ZFR: variants seen among roughly 807,000 people sequenced by gnomAD.
The protein encoded by ZFR is zinc finger RNA-binding protein.
Under a neutral mutation model 130.7 loss-of-function variants are expected in ZFR, and 19 were observed. That is an observed-to-expected ratio of 0.15 (90% CI 0.10 to 0.21). The LOEUF is 0.21. Among genes scored for constraint, ZFR ranks in the 10% least tolerant of loss-of-function variants. The probability of loss-of-function intolerance (pLI) is 1.00; values close to 1 mark genes in which losing one functional copy is unlikely to be tolerated. For missense variants in ZFR, 872 were observed against 1,321.5 expected (o/e 0.66, Z 5.27); for synonymous variants, 466 against 456.9 (o/e 1.02, Z -0.25).
At chr5:32,366,639 C>T (rs147671096) in intron 17 of ZFR, among the ~76,000 whole-genome samples, 64 of 152,054 alleles carry the variant, frequency 4.2e-4, no homozygotes, top group African/African-American at 1.5e-3. Flanking sequence ...CACATGTCTA[C>T]AGTTAAAAGA....
intron 8 of ZFR, among the ~76,000 whole-genome samples, chr5:32,402,624 A>AAC (rs1169690276): frequency 4.2e-4 from 64 of 151,536 alleles, no homozygotes; most frequent in African/African-American, 1.5e-3. Context: ...AAAAAAAAAA[A>AAC]AAAACTGGCT....
In ZFR at chr5:32,417,886, A is replaced by G. The variant is rs1463148355; in HGVS notation, c.421-94T>C. ...GAAGTGCAATAAAGGAAAACAAAAC[A>G]CTAAATACGTAGTTTCATGACAGAC... On this transcript the variant is annotated intron_variant, in intron 3 of 19. Coordinates refer to ENST00000265069, the MANE Select transcript of ZFR (RefSeq NM_016107.5). The G allele has an allele frequency of 9.5e-6, 11 of 1,156,440 alleles. No homozygotes were observed. The East Asian group carries it at 1.7e-4, about 17-fold the overall frequency. 71.6% of individuals were successfully genotyped at this position (1,156,440 alleles called of 1,614,324 possible).
intron 9 of ZFR, 131 bp downstream of exon 9, chr5:32,399,876 C>A: frequency 1.2e-6 from 1 of 830,164 alleles, no homozygotes; most frequent in Admixed American, 3.6e-5. Flanking sequence ...ACAAAGATTC[C>A]TTTAATATTC....
At chr5:32,424,064 G>A (rs893421062) in intron 2 of ZFR, among the ~76,000 whole-genome samples, 1 of 152,194 alleles carries the variant, frequency 6.6e-6, no homozygotes, top group Admixed American at 6.5e-5. Context: ...ATGGGATCCT[G>A]CAAACAGATG....
chr5:32,355,734 T>A lies in ZFR; in HGVS notation c.*26A>T, dbSNP rs1407162064. ...GCCAACAAATGGGCATCTGTTTTTTTAACACTGAAGATTTACAGACACTTT... is the reference window on the plus strand; with the variant it reads ...GCCAACAAATGGGCATCTGTTTTTTAAACACTGAAGATTTACAGACACTTT... On this transcript the variant is annotated 3_prime_UTR_variant, in exon 20 of 20. Coordinates refer to ENST00000265069, the MANE Select transcript of ZFR (RefSeq NM_016107.5). 1 of 1,544,000 alleles carries A rather than the reference T, an allele frequency of 6.5e-7. No individual in the cohort carries two copies. Among genetic ancestry groups the A allele is most frequent in the South Asian group, 1.3e-5 (1 of 78,892 alleles).
chr5:32,419,978 G>A lies in ZFR; in HGVS notation c.263C>T (p.Ala88Val). 6.2e-7 allele frequency: 1 copy of A among 1,613,966 alleles called. No individual in the cohort carries two copies. The highest frequency in any genetic ancestry group is 8.5e-7 in the Non-Finnish European group (1 of 1,180,014). The change falls in exon 3 of 20, where the codon GCA becomes GTA. Residue 88 changes from alanine to valine, a missense_variant. Around this residue, in one of 7 missense-constraint regions of ZFR, gnomAD observed 240 missense variants for 441.2 expected, o/e 0.54. Transcript: ENST00000265069. Reference protein sequence around the residue: ...AAYAPAAATVAVARPAPVAVA... With the variant: ...AAYAPAAATVVVARPAPVAVA... ...AGCTACTGGAGCAGGCCTGGCAACTGCAACTGTGGCGGCTGCTGGTGCATA... is the reference window on the plus strand; with the variant it reads ...AGCTACTGGAGCAGGCCTGGCAACTACAACTGTGGCGGCTGCTGGTGCATA...
At position 32,403,411 on chromosome 5, in the gene ZFR, G is replaced by A. The variant is rs1753511851; in HGVS notation, c.1225-14C>T. The A allele has an allele frequency of 2.5e-6, 4 of 1,602,310 alleles. No individual in the cohort carries two copies. Among genetic ancestry groups the A allele is most frequent in the Non-Finnish European group, 3.4e-6 (4 of 1,172,036 alleles). On this transcript the variant is annotated splice_polypyrimidine_tract_variant and intron_variant, in intron 7 of 19. Transcript: ENST00000265069. ...TAACTTAACCACCTATAAAACAAAA[G>A]CACACTTATTTGTCAGGAAACTCAA...
At chr5:32,367,345 G>A (rs891150640) in intron 17 of ZFR, among the ~76,000 whole-genome samples, 1 of 152,014 alleles carries the variant, frequency 6.6e-6, no homozygotes, top group Non-Finnish European at 1.5e-5. Context: ...TGAGGCAGGA[G>A]AATCACTTGA....
intron 10 of ZFR, among the ~76,000 whole-genome samples, chr5:32,395,905 C>T (rs1349181501): frequency 6.6e-6 from 1 of 152,066 alleles, no homozygotes; most frequent in African/African-American, 2.4e-5. Context: ...ATCAGTAAGG[C>T]TTCTGGTCAT....
rs1405466132 is a variant in ZFR, at chr5:32,444,684, C to G, written c.-26G>C. 6.6e-7 allele frequency: 1 copy of G among 1,506,708 alleles called. No individual in the cohort carries two copies. The highest frequency in any genetic ancestry group is 8.9e-7 in the Non-Finnish European group (1 of 1,127,472). 93.3% of individuals were successfully genotyped at this position (1,506,708 alleles called of 1,614,324 possible). A position where few individuals can be genotyped will look rare whatever the true frequency, so the allele number is the denominator to read the frequency against. On this transcript the variant is annotated 5_prime_UTR_variant, in exon 1 of 20. Coordinates refer to ENST00000265069, the MANE Select transcript of ZFR (RefSeq NM_016107.5). ...GGGCTCGGGCTGCTGCTGCTGAACT[C>G]TGAACTCTCACCCGCTGCCTCCCTC...
rs557690486 is a variant in ZFR at position 32,402,156 on chromosome 5, G to C, written c.1516+950C>G. On this transcript the variant is annotated intron_variant, in intron 8 of 19. Transcript: ENST00000265069. ...GAATGAATGAGACCACCCATTAATA[G>C]AGGCGGACAGTGAGACGAGGGCCAG... 5.9e-4 allele frequency among the ~76,000 whole-genome samples: 85 copies of C among 143,062 alleles called. 1 individual carries two copies. The South Asian group carries it at 0.018, about 30-fold the overall frequency. 93.9% of individuals were successfully genotyped at this position (143,062 alleles called of 152,430 possible). A position where few individuals can be genotyped will look rare whatever the true frequency, so the allele number is the denominator to read the frequency against.
At chr5:32,425,716 C>T (rs1291966566) in intron 2 of ZFR, among the ~76,000 whole-genome samples, 1 of 151,988 alleles carries the variant, frequency 6.6e-6, no homozygotes, top group Non-Finnish European at 1.5e-5. Flanking sequence ...AGTAGAGACA[C>T]GGTTTCACCA....
intron 17 of ZFR, among the ~76,000 whole-genome samples, chr5:32,373,026 C>A (rs1449854588): frequency 6.6e-6 from 1 of 152,144 alleles, no homozygotes; most frequent in African/African-American, 2.4e-5. Context: ...CTACATTTTT[C>A]GAATCACGAT....
At chr5:32,401,707 C>T (rs971047001) in intron 8 of ZFR, among the ~76,000 whole-genome samples, 1 of 151,906 alleles carries the variant, frequency 6.6e-6, no homozygotes, top group Non-Finnish European at 1.5e-5. Context: ...GGCTGCTGAG[C>T]AGAAGACTAA....
At chr5:32,439,282 CA>C (rs1754408334) in intron 2 of ZFR, among the ~76,000 whole-genome samples, 1 of 152,170 alleles carries the variant, frequency 6.6e-6, no homozygotes, top group Non-Finnish European at 1.5e-5. Context: ...AGGTTGGTTT[CA>C]AAAACCTGTT....
intron 12 of ZFR, among the ~76,000 whole-genome samples, chr5:32,389,675 A>C (rs1753118721): frequency 6.6e-6 from 1 of 152,190 alleles, no homozygotes; most frequent in African/African-American, 2.4e-5. Context: ...TGCTCATGTA[A>C]GGAAAACCAA....
chr5:32,418,080 G>A (rs1753868922), intron 3 of ZFR, among the ~76,000 whole-genome samples: 1 of 152,086 alleles, frequency 6.6e-6, no homozygotes, highest in Non-Finnish European at 1.5e-5. Flanking sequence ...CTAACACGGT[G>A]AGACCCCGTC....
intron 2 of ZFR, among the ~76,000 whole-genome samples, chr5:32,423,855 G>T (rs1026117839): frequency 2.0e-5 from 3 of 152,140 alleles, no homozygotes; most frequent in Admixed American, 6.5e-5. Flanking sequence ...TAACACTAAA[G>T]CAAGAAGATA....
chr5:32,408,313 TAAAAA>T, intron 5 of ZFR, among the ~76,000 whole-genome samples: 2 of 71,262 alleles, frequency 2.8e-5, no homozygotes, highest in East Asian at 9.5e-4. Context: ...AACGTTTGAT[TAAAAA>T]AAAAAAAAAA....
Sources: gnomAD v4.1 joint callset for allele counts (sites outside exome capture counted in the v4.1 genomes callset) on GRCh38, gnomAD v4.1.1 for gene constraint, gnomAD v4.1.1 regional missense constraint, MANE v1.5 for transcripts, NCBI Gene and HGNC (gene_info 2026-07-23, HGNC 2026-07-21) for gene names.